The following IRS1 variants were observed in gnomAD, a reference collection of about 807,000 sequenced individuals.
IRS1 encodes the protein insulin receptor substrate 1.
IRS1 carries 34 observed loss-of-function variants against 65.6 expected under a neutral mutation model. The observed-to-expected ratio is 0.52, with a 90% CI of 0.39 to 0.69. The LOEUF is 0.69. IRS1 is among the 30% of genes least tolerant of loss of function. The pLI, the probability that IRS1 is intolerant of heterozygous loss-of-function variation, is 0.00. For missense variants in IRS1, 1,641 were observed against 1,720.2 expected (o/e 0.95, Z 0.81); for synonymous variants, 699 against 683.5 (o/e 1.02, Z -0.35).
Position 226,732,698 on chromosome 2 carries a change from CACACACACAA to C in IRS1, c.*3564_*3573del, listed in dbSNP as rs1938252332. 1 of 137,812 alleles carries C rather than the reference CACACACACAA, an allele frequency of 7.3e-6. No individual in the cohort carries two copies. The highest frequency in any genetic ancestry group is 2.0e-4 in the East Asian group (1 of 5,008). 8.5% of individuals were successfully genotyped at this position (137,812 alleles called of 1,614,324 possible). A position where few individuals can be genotyped will look rare whatever the true frequency, so the allele number is the denominator to read the frequency against. On this transcript the variant is annotated 3_prime_UTR_variant, in exon 2 of 2. Coordinates refer to ENST00000305123, the MANE Select transcript of IRS1 (RefSeq NM_005544.3). ...ATATATACACACACACATATATATA[CACACACACAA>C]ACACACACACACACACACACACACA...
In IRS1 at chr2:226,733,017, T is replaced by TA. The variant is rs1938259424; in HGVS notation, c.*3254dup. The TA allele has an allele frequency of 6.6e-6, 1 of 152,210 alleles. No homozygotes were observed. The highest frequency in any genetic ancestry group is 1.5e-5 in the Non-Finnish European group (1 of 68,032). The allele number at this position is 152,210 out of a possible 1,614,324, so 9.4% of individuals were successfully genotyped here. A position where few individuals can be genotyped will look rare whatever the true frequency, so the allele number is the denominator to read the frequency against. On this transcript the variant is annotated 3_prime_UTR_variant, in exon 2 of 2. Transcript: ENST00000305123. The stretch of plus-strand genomic sequence containing the variant: ...CAGCAGTTGGAAGACTGCACATGGA[T>TA]ACTATTTGTCATGGCTCTCGTTGTC...
chr2:226,776,023 C>T (rs893484822), intron 1 of IRS1, among the ~76,000 whole-genome samples: 1 of 151,726 alleles, frequency 6.6e-6, no homozygotes, highest in Non-Finnish European at 1.5e-5. Flanking sequence ...TGTACATTCT[C>T]CAATAAAAGG....
chr2:226,759,657 T>C (rs557147683), intron 1 of IRS1, among the ~76,000 whole-genome samples: 2 of 152,356 alleles, frequency 1.3e-5, no homozygotes, highest in African/African-American at 4.8e-5. Flanking sequence ...TTTAAATGAA[T>C]GGAAAACAAT....
chr2:226,769,613 G>C (rs1260402868), intron 1 of IRS1, among the ~76,000 whole-genome samples: 3 of 152,166 alleles, frequency 2.0e-5, no homozygotes, highest in African/African-American at 7.2e-5. Flanking sequence ...CACTTGAAAA[G>C]CAACAACTTA....
At chr2:226,751,529 C>T (rs1938682923) in intron 1 of IRS1, among the ~76,000 whole-genome samples, 1 of 152,082 alleles carries the variant, frequency 6.6e-6, no homozygotes, top group South Asian at 2.1e-4. Context: ...GTGATCTGCC[C>T]GCCTTGGCCT....
chr2:226,752,830 A>G (rs1252995822), intron 1 of IRS1, among the ~76,000 whole-genome samples: 1 of 152,232 alleles, frequency 6.6e-6, no homozygotes, highest in African/African-American at 2.4e-5. Context: ...GACAGCAGGA[A>G]GGCCCCAGCT....
intron 1 of IRS1, among the ~76,000 whole-genome samples, chr2:226,774,703 G>A (rs1445888617): frequency 2.0e-5 from 3 of 152,186 alleles, no homozygotes; most frequent in Non-Finnish European, 4.4e-5. Flanking sequence ...ATAACAGGTT[G>A]GTGGTCTAGG....
Position 226,799,376 on chromosome 2 carries a change from G to C in IRS1, c.-638C>G, listed in dbSNP as rs1939842425. ...TGCGGCTGTTGCTGTTGCTGCTGCT[G>C]CTGCTGCTGCTGCTGCCGCCGCCCG... On this transcript the variant is annotated 5_prime_UTR_variant, in exon 1 of 2. Coordinates refer to ENST00000305123, the MANE Select transcript of IRS1 (RefSeq NM_005544.3). This position sits in a 1 kb window ranked among gnomAD's most constrained non-coding sequence, Gnocchi z 6.1. The C allele has an allele frequency of 3.9e-6, 5 of 1,266,098 alleles. No homozygotes were observed. Among genetic ancestry groups the C allele is most frequent in the Non-Finnish European group, 5.1e-6 (5 of 972,002 alleles). The allele number at this position is 1,266,098 out of a possible 1,614,324, so 78.4% of individuals were successfully genotyped here. A position where few individuals can be genotyped will look rare whatever the true frequency, so the allele number is the denominator to read the frequency against.
chr2:226,791,905 C>T (rs2106182668), intron 1 of IRS1, among the ~76,000 whole-genome samples: 1 of 152,156 alleles, frequency 6.6e-6, no homozygotes. Context: ...GCTGCAGATT[C>T]CCCCACCCCG....
At chr2:226,746,547 CAATGGTGCA>C (rs1938549206) in intron 1 of IRS1, among the ~76,000 whole-genome samples, 2 of 152,134 alleles carry the variant, frequency 1.3e-5, no homozygotes, top group Non-Finnish European at 2.9e-5. Context: ...CTGAGGCAGA[CAATGGTGCA>C]AATTTCTAAC....
intron 1 of IRS1, among the ~76,000 whole-genome samples, chr2:226,778,936 T>C (rs1939329489): frequency 6.6e-6 from 1 of 152,232 alleles, no homozygotes; most frequent in South Asian, 2.1e-4. Flanking sequence ...CCTGGGAAAG[T>C]TGGTCCTCTA....
At chr2:226,787,066 T>G (rs1939501745) in intron 1 of IRS1, among the ~76,000 whole-genome samples, 1 of 152,142 alleles carries the variant, frequency 6.6e-6, no homozygotes, top group Admixed American at 6.5e-5. Context: ...AGCCCCCACT[T>G]TCCCCCCAGG....
intron 1 of IRS1, among the ~76,000 whole-genome samples, chr2:226,739,524 T>C (rs1338741082): frequency 1.3e-5 from 2 of 152,228 alleles, no homozygotes; most frequent in African/African-American, 4.8e-5. Context: ...CAAAAAGCTT[T>C]GAGAGCCAAA....
chr2:226,762,928 CA>C (rs1325611813), intron 1 of IRS1, among the ~76,000 whole-genome samples: 1 of 152,110 alleles, frequency 6.6e-6, no homozygotes, highest in African/African-American at 2.4e-5. Context: ...AGTGGTCTGC[CA>C]GAGCGTTAAC....
chr2:226,799,750 C>T lies in IRS1; in HGVS notation c.-1012G>A, dbSNP rs1939854604. 2 of 998,842 alleles carry T rather than the reference C, an allele frequency of 2.0e-6. No homozygotes were observed. The highest frequency in any genetic ancestry group is 2.4e-6 in the Non-Finnish European group (2 of 830,022). The allele number at this position is 998,842 out of a possible 1,614,324, so 61.9% of individuals were successfully genotyped here. ...GCTCTGCGCGCCGGCCCCCTCCGAC[C>T]GCGCCGCCGTCTCACTCGGAGGAGA... is the stretch of plus-strand genomic sequence containing the variant. On this transcript the variant is annotated 5_prime_UTR_variant, in exon 1 of 2. Transcript: ENST00000305123. The surrounding 1 kb of genome is among the most constrained non-coding windows in gnomAD (Gnocchi z 6.1).
In IRS1 at chr2:226,785,813, T is replaced by C. The variant is rs562620048; in HGVS notation, c.*21+9176A>G. ...AATGTGCAGGTTAGTTACATATGTA[T>C]ACATGTGCCATGCTGGTGCGCTGCA... On this transcript the variant is annotated intron_variant, in intron 1 of 1. Transcript: ENST00000305123. Among the ~76,000 whole-genome samples the C allele has an allele frequency of 1.2e-3, 179 of 151,456 alleles. 1 individual carries two copies. Among genetic ancestry groups the C allele is most frequent in the Non-Finnish European group, 2.2e-3 (150 of 67,948 alleles).
chr2:226,784,387 T>C (rs568853529), intron 1 of IRS1, among the ~76,000 whole-genome samples: 2 of 152,258 alleles, frequency 1.3e-5, no homozygotes, highest in African/African-American at 4.8e-5. Flanking sequence ...CTGACGATTC[T>C]AATTCAAATG....
At chr2:226,752,928 A>G (rs905828666) in intron 1 of IRS1, among the ~76,000 whole-genome samples, 2 of 152,196 alleles carry the variant, frequency 1.3e-5, no homozygotes, top group Admixed American at 1.3e-4. Context: ...TACCTAACTC[A>G]CTGTGCTGTT....
chr2:226,746,785 CTTTTT>C (rs1213711501), intron 1 of IRS1, among the ~76,000 whole-genome samples: 1 of 118,440 alleles, frequency 8.4e-6, no homozygotes, highest in East Asian at 2.4e-4. Context: ...TAGCAGCATT[CTTTTT>C]TTTTTTTTTT....
Sources: gnomAD v4.1 joint callset for allele counts (sites outside exome capture counted in the v4.1 genomes callset) on GRCh38, gnomAD v4.1.1 for gene constraint, Gnocchi (gnomAD v3.1) non-coding constraint, MANE v1.5 for transcripts, NCBI Gene and HGNC (gene_info 2026-07-23, HGNC 2026-07-21) for gene names.